TAFA2: variants seen among roughly 807,000 people sequenced by gnomAD.
TAFA2 encodes chemokine-like protein TAFA-2.
Under a neutral mutation model 18.8 loss-of-function variants are expected in TAFA2, and 7 were observed. That is an observed-to-expected ratio of 0.37 (90% confidence interval 0.21 to 0.70). The LOEUF is 0.70. TAFA2 is among the 30% of genes least tolerant of loss of function. TAFA2 has a pLI of 0.53. For missense variants in TAFA2, 122 were observed against 158.1 expected (o/e 0.77, Z 1.23); for synonymous variants, 60 against 54.2 (o/e 1.11, Z -0.47).
rs374842197 is a variant in TAFA2 at position 61,795,408 on chromosome 12, G to T, written c.107-40384C>A. ...TGGAATACTATGCAGCCATAAAAAA[G>T]GATGAGTTCATGTCCTTTGTAGGGA... On this transcript the variant is annotated intron_variant, in intron 2 of 4. Coordinates refer to ENST00000416284, the MANE Select transcript of TAFA2 (RefSeq NM_178539.5). Among the ~76,000 whole-genome samples the T allele has an allele frequency of 7.2e-5, 11 of 151,984 alleles. No homozygotes were observed. In the South Asian group the frequency reaches 1.0e-3, roughly 14 times the overall value.
At chr12:61,868,890 T>C (rs1043720443) in intron 1 of TAFA2, among the ~76,000 whole-genome samples, 2 of 152,116 alleles carry the variant, frequency 1.3e-5, no homozygotes, top group Non-Finnish European at 2.9e-5. Flanking sequence ...CTGACTTTAC[T>C]TTTTTTGGGT....
chr12:62,105,917 A>G, intron 1 of TAFA2, among the ~76,000 whole-genome samples: 1 of 152,218 alleles, frequency 6.6e-6, no homozygotes, highest in South Asian at 2.1e-4. Context: ...AGCAGATCAC[A>G]TGCAACCGTT....
intron 1 of TAFA2, among the ~76,000 whole-genome samples, chr12:61,956,764 T>C (rs1417925515): frequency 6.6e-6 from 1 of 152,102 alleles, no homozygotes; most frequent in Non-Finnish European, 1.5e-5. Context: ...AAAAGAGGAA[T>C]AAGAATTTTT....
At chr12:61,779,733 A>G (rs1429452248) in intron 2 of TAFA2, among the ~76,000 whole-genome samples, 1 of 151,816 alleles carries the variant, frequency 6.6e-6, no homozygotes, top group Non-Finnish European at 1.5e-5. Context: ...ACATTCAGTG[A>G]CATTCTCTTT....
intron 1 of TAFA2, among the ~76,000 whole-genome samples, chr12:61,943,333 C>G (rs1423898198): frequency 1.3e-5 from 2 of 150,772 alleles, no homozygotes; most frequent in African/African-American, 4.9e-5. Flanking sequence ...CAACCGGTAC[C>G]AGCCGCTGCA....
chr12:61,976,650 A>G (rs1177081208), intron 1 of TAFA2, among the ~76,000 whole-genome samples: 2 of 151,940 alleles, frequency 1.3e-5, no homozygotes, highest in African/African-American at 4.8e-5. Flanking sequence ...TAACTCATTT[A>G]CATTAGGTAT....
At chr12:62,181,161 C>T (rs538435140) in intron 1 of TAFA2, among the ~76,000 whole-genome samples, 1 of 152,078 alleles carries the variant, frequency 6.6e-6, no homozygotes, top group African/African-American at 2.4e-5. Flanking sequence ...CCCTGAGTCT[C>T]TCTCTCACAT....
At chr12:61,785,194 T>C (rs1219002301) in intron 2 of TAFA2, among the ~76,000 whole-genome samples, 1 of 151,598 alleles carries the variant, frequency 6.6e-6, no homozygotes, top group Non-Finnish European at 1.5e-5. Context: ...CTTCCATATA[T>C]GAGTGAGAAC....
intron 2 of TAFA2, among the ~76,000 whole-genome samples, chr12:61,799,679 G>A (rs1049126255): frequency 3.9e-5 from 6 of 152,000 alleles, no homozygotes; most frequent in African/African-American, 1.2e-4. Context: ...AAAATTAGCC[G>A]GGCGTGGTGG....
chr12:61,824,287 C>T (rs946108413), intron 2 of TAFA2, among the ~76,000 whole-genome samples: 1 of 152,118 alleles, frequency 6.6e-6, no homozygotes. Flanking sequence ...ACTGGTAAGA[C>T]CCTGAAGCAT....
rs117629266 is a variant in TAFA2, at chr12:61,902,941, C to T, written c.-1-35515G>A. On this transcript the variant is annotated intron_variant, in intron 1 of 4. Transcript: ENST00000416284. ...TGTGATTTCTCCCTTTCCCTCATTC[C>T]CATTTTCAACCTGTCATCCCATCAT... Among the ~76,000 whole-genome samples the T allele has an allele frequency of 9.2e-3, 1,399 of 152,138 alleles. 5 individuals are homozygous for T. The highest frequency in any genetic ancestry group is 0.016 in the Non-Finnish European group (1,058 of 67,984).
intron 1 of TAFA2, among the ~76,000 whole-genome samples, chr12:61,958,038 T>C (rs142051697): frequency 1.3e-5 from 2 of 152,084 alleles, no homozygotes; most frequent in South Asian, 4.1e-4. Flanking sequence ...TAACCTACAT[T>C]AGCAACCTGG....
At chr12:61,953,024 G>A (rs1398009597) in intron 1 of TAFA2, among the ~76,000 whole-genome samples, 2 of 152,076 alleles carry the variant, frequency 1.3e-5, no homozygotes, top group African/African-American at 4.8e-5. Context: ...TAAAAAGCCA[G>A]AAAACATTAT....
At chr12:61,728,179 T>C (rs554410829) in intron 4 of TAFA2, among the ~76,000 whole-genome samples, 1 of 152,206 alleles carries the variant, frequency 6.6e-6, no homozygotes, top group East Asian at 1.9e-4. Context: ...CATATGCTGA[T>C]GAATAGAATG....
intron 1 of TAFA2, among the ~76,000 whole-genome samples, chr12:61,919,605 A>C (rs1226137344): frequency 2.0e-5 from 3 of 152,130 alleles, no homozygotes; most frequent in Non-Finnish European, 4.4e-5. Context: ...CACTCAGATC[A>C]ACCATCAATA....
chr12:62,147,604 C>T lies in TAFA2; in HGVS notation c.-2+43655G>A, dbSNP rs185943878. On this transcript the variant is annotated intron_variant, in intron 1 of 4. Coordinates refer to ENST00000416284, the MANE Select transcript of TAFA2 (RefSeq NM_178539.5). Reference sequence around the variant, plus strand: ...AATTAGCCAGGCACGGTGGCGGGGGCCTGTAGTCCCAGCTACTTGGGAGGC... The same window carrying T: ...AATTAGCCAGGCACGGTGGCGGGGGTCTGTAGTCCCAGCTACTTGGGAGGC... Among the ~76,000 whole-genome samples the T allele has an allele frequency of 7.8e-4, 117 of 149,906 alleles. 1 individual carries two copies. The East Asian group carries it at 0.019, about 25-fold the overall frequency.
intron 1 of TAFA2, among the ~76,000 whole-genome samples, chr12:61,955,600 CAAAAAAAAAAAAAAAAAAAAAA>C (rs869189343): frequency 2.6e-5 from 1 of 38,938 alleles, no homozygotes; most frequent in African/African-American, 1.3e-4. Context: ...GACTCCATCT[CAAAAAAAAAAAAAAAAAAAAAA>C]AAAAAAAAAA....
chr12:61,872,719 T>C (rs1874670210), intron 1 of TAFA2, among the ~76,000 whole-genome samples: 1 of 152,114 alleles, frequency 6.6e-6, no homozygotes, highest in Non-Finnish European at 1.5e-5. Context: ...CCAAGCTAAA[T>C]CTAGACCTTA....
At chr12:62,235,278 T>C in intron 1 of TAFA2, 1 of 660,264 alleles carries the variant, frequency 1.5e-6, no homozygotes, top group Non-Finnish European at 2.8e-6. Context: ...ATCCACAATC[T>C]TCCCTGATGC....
Sources: allele counts gnomAD v4.1 joint callset (sites outside exome capture counted in the v4.1 genomes callset), GRCh38; gene constraint gnomAD v4.1.1; transcripts MANE v1.5; gene names NCBI Gene and HGNC (gene_info 2026-07-23, HGNC 2026-07-21).